Variants in ASTN1 observed in about 807,000 individuals in gnomAD.
The protein encoded by ASTN1 is astrotactin 1, also known as astrotactin-1.
Under a neutral mutation model 140.7 loss-of-function variants are expected in ASTN1, and 41 were observed. The observed-to-expected ratio is 0.29, with a 90% confidence interval of 0.23 to 0.38. The LOEUF (loss-of-function observed/expected upper bound fraction) is 0.38. Ranked by LOEUF, ASTN1 falls within the 10% of genes least tolerant of loss-of-function variation. The pLI, the probability that ASTN1 is intolerant of heterozygous loss-of-function variation, is 1.00. For missense variants in ASTN1, 1,479 were observed against 1,678.8 expected, an observed-to-expected ratio of 0.88 and a Z score of 2.08; for synonymous variants, 640 against 652.2, an observed-to-expected ratio of 0.98 and a Z score of 0.29.
Position 176,982,663 on chromosome 1 carries a change from G to A in ASTN1, c.1524-17426C>T, listed in dbSNP as rs35514159. On this transcript the variant is annotated intron_variant, in intron 8 of 22. Transcript: ENST00000361833. ...TCACTGGGCACCAGAATCACCTGGA[G>A]AACTTTTGACCTTCAGAAATTTCTG... Among the ~76,000 whole-genome samples, 681 of 152,280 alleles carry A rather than the reference G, an allele frequency of 4.5e-3. 3 individuals are homozygous for A. Among genetic ancestry groups the A allele is most frequent in the South Asian group, 6.4e-3 (31 of 4,826 alleles).
chr1:176,974,417 G>A (rs916866563), intron 8 of ASTN1, among the ~76,000 whole-genome samples: 6 of 147,648 alleles, frequency 4.1e-5, no homozygotes, highest in Non-Finnish European at 8.9e-5. Flanking sequence ...ATGGAGTCTC[G>A]CTCTGTTGCC....
chr1:177,027,750 G>GTC (rs1676200542), intron 5 of ASTN1, among the ~76,000 whole-genome samples: 1 of 148,110 alleles, frequency 6.8e-6, no homozygotes, highest in African/African-American at 2.5e-5. Context: ...GTGTGTGTGT[G>GTC]TGTGTGTGTG....
intron 1 of ASTN1, among the ~76,000 whole-genome samples, chr1:177,092,332 A>G (rs2102106452): frequency 6.6e-6 from 1 of 152,250 alleles, no homozygotes; most frequent in Middle Eastern, 3.4e-3. Flanking sequence ...ATCTTTGACC[A>G]ATGCTTAACT....
chr1:176,860,461 T>C (rs1484235507), downstream of ASTN1, among the ~76,000 whole-genome samples: 1 of 152,252 alleles, frequency 6.6e-6, no homozygotes, highest in African/African-American at 2.4e-5. Context: ...GTAGCTGAGA[T>C]AATCTCTATT....
rs1054918054 is a variant in ASTN1, at chr1:176,863,951, G to A, written c.*333C>T. 9.1e-7 allele frequency: 1 copy of A among 1,102,896 alleles called. No individual in the cohort carries two copies. Among genetic ancestry groups the A allele is most frequent in the Non-Finnish European group, 1.1e-6 (1 of 901,230 alleles). The allele number at this position is 1,102,896 out of a possible 1,614,324, so 68.3% of individuals were successfully genotyped here. Reference sequence around the variant, plus strand: ...GCCTACTTAATAGACTTTTCATGGGGAGCACGGCAGAGCTCTTGAGCATTT... The same window carrying A: ...GCCTACTTAATAGACTTTTCATGGGAAGCACGGCAGAGCTCTTGAGCATTT... On this transcript the variant is annotated 3_prime_UTR_variant, in exon 23 of 23. Transcript: ENST00000361833.
chr1:177,063,583 G>A (rs1293001786), intron 1 of ASTN1, among the ~76,000 whole-genome samples: 1 of 152,088 alleles, frequency 6.6e-6, no homozygotes, highest in African/African-American at 2.4e-5. Context: ...TGTCTGTGGG[G>A]GTGCATGGTT....
intron 13 of ASTN1, among the ~76,000 whole-genome samples, chr1:176,945,332 C>T (rs777338475): frequency 2.0e-5 from 3 of 151,966 alleles, no homozygotes; most frequent in East Asian, 3.9e-4. Context: ...TATTAATTCA[C>T]GTAAAAACAA....
At position 176,864,361 on chromosome 1, in the gene ASTN1, G is replaced by A. The variant is rs12118933; in HGVS notation, c.3808C>T (p.Arg1270Trp). 25 of 1,613,908 alleles carry A rather than the reference G, an allele frequency of 1.5e-5. No individual in the cohort carries two copies. Among genetic ancestry groups the A allele is most frequent in the Admixed American group, 8.3e-5 (5 of 59,986 alleles). Residue 1270 changes from arginine to tryptophan, a missense_variant, in exon 23 of 23, where the codon CGG (arginine) becomes TGG (tryptophan). Around this residue, in one of 3 missense-constraint regions of ASTN1, gnomAD observed 746 missense variants for 800.9 expected, o/e 0.93. Transcript: ENST00000361833. ...TCCTCACACGTCTTCCTGAGGTCCC[G>A]GCTGAGCTCCGCCCAGTCAAGTCCG... Reference protein sequence around the residue: ...PYGLDWAELSRDLRKTCEEQT... With the variant: ...PYGLDWAELSWDLRKTCEEQT...
intron 8 of ASTN1, among the ~76,000 whole-genome samples, chr1:176,993,710 G>C (rs1197115839): frequency 6.6e-6 from 1 of 152,038 alleles, no homozygotes; most frequent in East Asian, 1.9e-4. Flanking sequence ...GTAATCTATG[G>C]GGTAATTTCA....
chr1:177,093,402 G>A (rs976829276), intron 1 of ASTN1, among the ~76,000 whole-genome samples: 1 of 152,136 alleles, frequency 6.6e-6, no homozygotes, highest in African/African-American at 2.4e-5. Context: ...GGCACAGGCA[G>A]GATTTCACCT....
intron 1 of ASTN1, among the ~76,000 whole-genome samples, chr1:177,137,145 G>A (rs1389958478): frequency 6.6e-6 from 1 of 152,052 alleles, no homozygotes; most frequent in Non-Finnish European, 1.5e-5. Flanking sequence ...ATGGGGATGT[G>A]GTTCTAAATA....
intron 8 of ASTN1, among the ~76,000 whole-genome samples, chr1:176,972,310 C>T (rs973891632): frequency 2.6e-5 from 4 of 152,124 alleles, no homozygotes; most frequent in African/African-American, 7.2e-5. Flanking sequence ...TCAGAGCCCA[C>T]ATGAGGTTAG....
intron 2 of ASTN1, among the ~76,000 whole-genome samples, chr1:177,045,692 T>C (rs1677181973): frequency 6.6e-6 from 1 of 152,234 alleles, no homozygotes; most frequent in East Asian, 1.9e-4. Context: ...TTTTGGTGTC[T>C]TTAGCCAGCA....
intron 14 of ASTN1, among the ~76,000 whole-genome samples, chr1:176,942,849 T>C (rs1272090182): frequency 1.2e-5 from 1 of 84,446 alleles, no homozygotes; most frequent in Non-Finnish European, 2.5e-5. Flanking sequence ...TATATATATA[T>C]ATATATATAT....
At chr1:177,069,856 G>C (rs184348583) in intron 1 of ASTN1, among the ~76,000 whole-genome samples, 1,624 of 149,152 alleles carry the variant, frequency 0.011, 19 homozygotes, top group Non-Finnish European at 0.014. Context: ...CATTTGAAAG[G>C]ATAAAGAAAA....
At chr1:177,038,756 G>T (rs744520) in intron 2 of ASTN1, among the ~76,000 whole-genome samples, 3,214 of 152,124 alleles carry the variant, frequency 0.021, 123 homozygotes, top group African/African-American at 0.072. Flanking sequence ...AATAACACAC[G>T]TATGGTTCCT....
At chr1:176,937,355 C>T (rs1359214637) in intron 14 of ASTN1, among the ~76,000 whole-genome samples, 1 of 152,184 alleles carries the variant, frequency 6.6e-6, no homozygotes, top group Non-Finnish European at 1.5e-5. Context: ...CATCTCTGTG[C>T]CAGACATTGT....
chr1:177,160,106 C>A (rs910163588), intron 1 of ASTN1, among the ~76,000 whole-genome samples: 1 of 152,086 alleles, frequency 6.6e-6, no homozygotes, highest in Non-Finnish European at 1.5e-5. Context: ...TTTTGTTCAA[C>A]CATGAAAAAG....
At chr1:177,120,457 C>G (rs1681328319) in intron 1 of ASTN1, among the ~76,000 whole-genome samples, 1 of 152,162 alleles carries the variant, frequency 6.6e-6, no homozygotes, top group African/African-American at 2.4e-5. Context: ...AGCTAAAAAT[C>G]CAAGGCAAAG....
Sources: allele counts gnomAD v4.1 joint callset (sites outside exome capture counted in the v4.1 genomes callset), GRCh38; gene constraint gnomAD v4.1.1; regional missense constraint gnomAD v4.1.1; transcripts MANE v1.5; gene names NCBI Gene and HGNC (gene_info 2026-07-23, HGNC 2026-07-21).